The following SPTAN1 variants were observed in gnomAD, a reference collection of about 807,000 sequenced individuals.
The protein encoded by SPTAN1 is spectrin alpha chain, non-erythrocytic 1.
In SPTAN1, 61 loss-of-function variants were observed where a neutral mutation model predicts 331.3. That is an observed-to-expected ratio of 0.18 (90% CI 0.15 to 0.23). The LOEUF (loss-of-function observed/expected upper bound fraction) is 0.23, where lower values mean the gene tolerates loss of function less well. Among genes scored for constraint, SPTAN1 ranks in the 10% least tolerant of loss-of-function variants. SPTAN1 has a pLI of 1.00. For synonymous variants in SPTAN1, 1,153 were observed against 1,173.9 expected, an observed-to-expected ratio of 0.98 and a Z score of 0.36; for missense variants, 2,043 against 3,147.9, an observed-to-expected ratio of 0.65 and a Z score of 8.40.
At chr9:128,611,612 C>CT (rs1232334122) in intron 37 of SPTAN1, 102 bp from the exon 38 acceptor site, 3 of 1,407,806 alleles carry the variant, frequency 2.1e-6, no homozygotes, top group Non-Finnish European at 3.0e-6. Context: ...TACCCCAGTT[C>CT]TTTATGTTTG....
chr9:128,628,153 G>T (rs1380176995), intron 51 of SPTAN1: 3 of 745,510 alleles, frequency 4.0e-6, no homozygotes, highest in Non-Finnish European at 4.8e-6. Flanking sequence ...CTTCAAGCCA[G>T]GGGGAGCCGT....
At chr9:128,558,454 A>C (rs559378879) in intron 1 of SPTAN1, among the ~76,000 whole-genome samples, 9 of 152,202 alleles carry the variant, frequency 5.9e-5, no homozygotes, top group African/African-American at 1.4e-4. Context: ...TTCAGTCTCT[A>C]TGTGAACAGA....
chr9:128,618,011 C>A lies in SPTAN1; in HGVS notation c.5503C>A (p.Leu1835Met). ...GGGTGTCCTGGACACTGGCAAGAAG[C>A]TGTCCGATGACAACACCATCGGGAA... ...IQGVLDTGKK[L>M]SDDNTIGKEE... The change falls in exon 43 of 57, where the codon CTG (leucine) becomes ATG (methionine). Residue 1835 changes from leucine (L) to methionine (M), a missense_variant. Physicochemically the swap from Leu to Met is conservative, Grantham distance 15 (BLOSUM62 2). Around this residue, in one of 12 missense-constraint regions of SPTAN1, gnomAD observed 323 missense variants for 581.1 expected, o/e 0.56. Coordinates refer to ENST00000372739, the MANE Select transcript of SPTAN1 (RefSeq NM_001130438.3). 6.2e-7 allele frequency: 1 copy of A among 1,614,164 alleles called. No individual in the cohort carries two copies. Among genetic ancestry groups the A allele is most frequent in the Non-Finnish European group, 8.5e-7 (1 of 1,180,020 alleles).
At chr9:128,568,341 A>G (rs1850274587) in intron 2 of SPTAN1, among the ~76,000 whole-genome samples, 1 of 152,164 alleles carries the variant, frequency 6.6e-6, no homozygotes, top group Non-Finnish European at 1.5e-5. Flanking sequence ...AAAGCAAGTG[A>G]AAGAAAGTCT....
intron 46 of SPTAN1, chr9:128,624,730 C>T (rs899970203): frequency 3.4e-6 from 2 of 581,106 alleles, no homozygotes; most frequent in Middle Eastern, 4.6e-4. Context: ...CTGCTGCACG[C>T]AGAGATGGCA....
intron 11 of SPTAN1, 36 bp from the exon 12 acceptor site, chr9:128,581,746 G>C (rs758146178): frequency 3.3e-6 from 5 of 1,512,664 alleles, no homozygotes; most frequent in Non-Finnish European, 4.6e-6. Flanking sequence ...CAAAGGAATA[G>C]GACATTATTC....
chr9:128,576,590 C>T (rs1851331551), intron 5 of SPTAN1, among the ~76,000 whole-genome samples: 1 of 152,196 alleles, frequency 6.6e-6, no homozygotes, highest in African/African-American at 2.4e-5. Context: ...ACATAACCAC[C>T]TTATAGACTA....
chr9:128,621,278 G>C (rs540428981), intron 45 of SPTAN1, 22 bp downstream of exon 45: 2 of 1,602,338 alleles, frequency 1.2e-6, no homozygotes, highest in African/African-American at 2.7e-5. Context: ...CCATTGGTAA[G>C]ACCTCCATCG....
Position 128,552,716 on chromosome 9 carries a change from A to ATCCCC in SPTAN1, c.-4+20_-4+21insTCCCC, listed in dbSNP as rs2132577447. 6.6e-6 allele frequency: 1 copy of ATCCCC among 150,630 alleles called. No individual in the cohort carries two copies. Among genetic ancestry groups the ATCCCC allele is most frequent in the Admixed American group, 6.6e-5 (1 of 15,214 alleles). 9.3% of individuals were successfully genotyped at this position (150,630 alleles called of 1,614,324 possible). ...GAGCCGGTGAGAGGGGCAGCCGGGG[A>ATCCCC]GCTCCGGGAGGGAGCGGGGCCCCGG... On this transcript the variant is annotated intron_variant, in intron 1 of 56. Transcript: ENST00000372739. This position sits in a 1 kb window ranked among gnomAD's most constrained non-coding sequence, Gnocchi z 4.6.
chr9:128,585,133 G>T (rs1197838023), intron 18 of SPTAN1, among the ~76,000 whole-genome samples: 1 of 151,338 alleles, frequency 6.6e-6, no homozygotes, highest in Non-Finnish European at 1.5e-5. Context: ...TCCTGTCTCA[G>T]CCTCCCAAGT....
chr9:128,594,584 C>T (rs1589255930), intron 24 of SPTAN1, among the ~76,000 whole-genome samples: 1 of 151,720 alleles, frequency 6.6e-6, no homozygotes. Flanking sequence ...ATGTGCGTCA[C>T]CACGCCCTGC....
chr9:128,563,501 G>A (rs1466006098), intron 1 of SPTAN1, among the ~76,000 whole-genome samples: 1 of 152,182 alleles, frequency 6.6e-6, no homozygotes, highest in African/African-American at 2.4e-5. Context: ...TAGTCATTAG[G>A]TTGACACCTA....
rs150097844 is a variant in SPTAN1 at position 128,607,944 on chromosome 9, C to T, written c.4239C>T (p.Ser1413=). Reference sequence around the variant, plus strand: ...TGTTGGCTCACGGACACTATGCCAGCCCTGAGATCAAGCAGAAACTTGATA... The same window carrying T: ...TGTTGGCTCACGGACACTATGCCAGTCCTGAGATCAAGCAGAAACTTGATA... ...QQLLAHGHYA[S]PEIKQKLDIL... The change falls in exon 33 of 57, where the codon AGC becomes AGT. Residue 1413 remains serine, a synonymous_variant. Transcript: ENST00000372739. The T allele has an allele frequency of 2.4e-5, 38 of 1,614,062 alleles. No individual in the cohort carries two copies. In the African/African-American group the frequency reaches 5.1e-4, roughly 22 times the overall value.
chr9:128,558,011 G>C (rs1006791474), intron 1 of SPTAN1, among the ~76,000 whole-genome samples: 8 of 152,010 alleles, frequency 5.3e-5, no homozygotes, highest in African/African-American at 1.9e-4. Flanking sequence ...CACCGTGTTA[G>C]CCAGGATGGT....
intron 3 of SPTAN1, among the ~76,000 whole-genome samples, chr9:128,572,632 G>A (rs887141623): frequency 3.3e-5 from 5 of 152,126 alleles, no homozygotes; most frequent in African/African-American, 1.2e-4. Context: ...GGTGATCTTG[G>A]CTTGGTCATT....
In SPTAN1 at chr9:128,582,854, T is replaced by C; in HGVS notation, c.1806+5T>C. 1 of 1,612,328 alleles carries C rather than the reference T, an allele frequency of 6.2e-7. No individual in the cohort carries two copies. The highest frequency in any genetic ancestry group is 1.3e-5 in the African/African-American group (1 of 74,984). On this transcript the variant is annotated splice_donor_5th_base_variant and intron_variant, in intron 14 of 56. Coordinates refer to ENST00000372739, the MANE Select transcript of SPTAN1 (RefSeq NM_001130438.3). ...GCCACAGATGAAGCTTATAAAGTAA[T>C]GTACTGTTAGTGTTGCCATGTAGCA...
In SPTAN1 at chr9:128,618,952, A is replaced by G; in HGVS notation, c.5682A>G (p.Lys1894=). ...VEEEEAWINE[K]MTLVASEDYG... ...AGGAAGAAGCCTGGATCAATGAGAA[A>G]ATGACCCTGGTGGCCAGCGAAGATT... Residue 1894 remains lysine (K), a synonymous_variant, in exon 44 of 57, where the codon AAA becomes AAG. Transcript: ENST00000372739. 6.2e-7 allele frequency: 1 copy of G among 1,614,064 alleles called. No individual in the cohort carries two copies. The highest frequency in any genetic ancestry group is 8.5e-7 in the Non-Finnish European group (1 of 1,179,976).
At chr9:128,580,895 C>A in intron 10 of SPTAN1, 27 bp from the exon 11 acceptor site, 1 of 1,612,050 alleles carries the variant, frequency 6.2e-7, no homozygotes, top group African/African-American at 1.3e-5. Context: ...ACCTCATCTC[C>A]CTGACCATGT....
At chr9:128,587,568 G>T (rs748317084) in intron 19 of SPTAN1, 38 bp from the exon 20 acceptor site, 24 of 1,580,058 alleles carry the variant, frequency 1.5e-5, no homozygotes, top group Non-Finnish European at 2.1e-5. Context: ...GGAGGCTTCA[G>T]CCCCTGCACA....
Sources: allele counts gnomAD v4.1 joint callset (sites outside exome capture counted in the v4.1 genomes callset), GRCh38; gene constraint gnomAD v4.1.1; regional missense constraint gnomAD v4.1.1; non-coding constraint Gnocchi (gnomAD v3.1); transcripts MANE v1.5; gene names NCBI Gene and HGNC (gene_info 2026-07-23, HGNC 2026-07-21).